Variants in CCDC91 observed in about 807,000 individuals in gnomAD.
CCDC91 encodes the protein coiled-coil domain-containing protein 91.
CCDC91 carries 48 observed loss-of-function variants against 63.2 expected under a neutral mutation model. The ratio of observed to expected loss-of-function variants is 0.76; its 90% CI spans 0.60 to 0.97. The LOEUF (loss-of-function observed/expected upper bound fraction) is 0.97, where lower values mean the gene tolerates loss of function less well. CCDC91 is among the 50% of genes least tolerant of loss of function. The pLI, the probability that CCDC91 is intolerant of heterozygous loss-of-function variation, is 0.00. For missense variants in CCDC91, 500 were observed against 494.6 expected, an observed-to-expected ratio of 1.01 and a Z score of -0.10; for synonymous variants, 167 against 165.8, an observed-to-expected ratio of 1.01 and a Z score of -0.06.
intron 7 of CCDC91, among the ~76,000 whole-genome samples, chr12:28,375,080 C>G (rs1206949808): frequency 1.3e-5 from 2 of 151,624 alleles, no homozygotes; most frequent in Non-Finnish European, 2.9e-5. Context: ...TCAGACAGAC[C>G]TGGATCAGAG....
intron 6 of CCDC91, among the ~76,000 whole-genome samples, chr12:28,327,965 T>C (rs1253021673): frequency 1.2e-4 from 18 of 152,142 alleles, no homozygotes; most frequent in Admixed American, 1.2e-3. Flanking sequence ...TAGGCAGATC[T>C]TGTAGGCGTT....
chr12:28,526,778 T>C (rs1469493205), intron 12 of CCDC91, among the ~76,000 whole-genome samples: 1 of 151,976 alleles, frequency 6.6e-6, no homozygotes, highest in Admixed American at 6.6e-5. Context: ...ATCCCAGACT[T>C]CTTGGAGTCT....
intron 12 of CCDC91, among the ~76,000 whole-genome samples, chr12:28,507,640 T>A (rs1166359714): frequency 2.0e-5 from 3 of 152,050 alleles, no homozygotes; most frequent in Non-Finnish European, 2.9e-5. Flanking sequence ...TTGAACAGGA[T>A]GTTCTTCCTA....
At position 28,305,778 on chromosome 12, in the gene CCDC91, T is replaced by C. The variant is rs1476678380; in HGVS notation, c.239T>C (p.Ile80Thr). 7.4e-6 allele frequency: 12 copies of C among 1,612,824 alleles called. No individual in the cohort carries two copies. Among genetic ancestry groups the C allele is most frequent in the South Asian group, 2.2e-5 (2 of 90,998 alleles). Reference protein sequence around the residue: ...SPENTHAANSIVSQTIPKAQI... With the variant: ...SPENTHAANSTVSQTIPKAQI... The stretch of plus-strand genomic sequence containing the variant: ...GAGAATACACATGCAGCAAATAGCA[T>C]TGTGAGTCAAACTATTCCAAAAGCA... The change falls in exon 4 of 13, where the codon ATT (isoleucine) becomes ACT (threonine). Residue 80 changes from isoleucine (I) to threonine (T), a missense_variant. Coordinates refer to ENST00000536442, the MANE Select transcript of CCDC91 (RefSeq NM_018318.5).
intron 6 of CCDC91, among the ~76,000 whole-genome samples, chr12:28,317,086 T>C (rs865876557): frequency 2.6e-5 from 4 of 152,024 alleles, no homozygotes; most frequent in Non-Finnish European, 5.9e-5. Context: ...CATGTCTGTC[T>C]GATGTCCTGT....
intron 7 of CCDC91, among the ~76,000 whole-genome samples, chr12:28,378,113 A>G (rs905533675): frequency 1.3e-5 from 2 of 152,066 alleles, no homozygotes; most frequent in African/African-American, 2.4e-5. Context: ...AAAAGATGCA[A>G]AATTGCTACA....
intron 7 of CCDC91, among the ~76,000 whole-genome samples, chr12:28,391,060 AAGG>A (rs1248018993): frequency 1.3e-5 from 2 of 150,460 alleles, no homozygotes; most frequent in East Asian, 3.9e-4. Flanking sequence ...TGGCCTTTTT[AAGG>A]AGAAGATGTG....
intron 1 of CCDC91, among the ~76,000 whole-genome samples, chr12:28,218,416 A>G (rs992270249): frequency 5.3e-5 from 8 of 152,052 alleles, no homozygotes; most frequent in Non-Finnish European, 1.2e-4. Context: ...ATTTAGGTGT[A>G]TAAACAATTA....
intron 8 of CCDC91, among the ~76,000 whole-genome samples, chr12:28,441,301 A>T (rs938336484): frequency 5.9e-5 from 9 of 151,952 alleles, no homozygotes; most frequent in African/African-American, 1.9e-4. Context: ...TGGTAGTACA[A>T]CCATTTTGGA....
intron 12 of CCDC91, among the ~76,000 whole-genome samples, chr12:28,541,813 C>T (rs1235455723): frequency 8.6e-5 from 13 of 152,014 alleles, no homozygotes; most frequent in East Asian, 3.9e-4. Context: ...CCTGCCTTGC[C>T]GGAATCAATT....
intron 8 of CCDC91, among the ~76,000 whole-genome samples, chr12:28,420,646 G>A (rs1947946554): frequency 6.6e-6 from 1 of 152,022 alleles, no homozygotes; most frequent in Non-Finnish European, 1.5e-5. Flanking sequence ...CACCACTTAA[G>A]CGTTGTTATT....
At chr12:28,479,303 G>A (rs141284538) in intron 11 of CCDC91, among the ~76,000 whole-genome samples, 103 of 152,240 alleles carry the variant, frequency 6.8e-4, no homozygotes, top group African/African-American at 2.3e-3. Flanking sequence ...AAGAGTTCAT[G>A]TCCTTTGTAG....
At chr12:28,457,944 A>G (rs1335070822) in intron 11 of CCDC91, among the ~76,000 whole-genome samples, 1 of 152,112 alleles carries the variant, frequency 6.6e-6, no homozygotes, top group Non-Finnish European at 1.5e-5. Flanking sequence ...CAGTGCACAC[A>G]GACACTCAAA....
At chr12:28,513,327 G>A (rs1381899356) in intron 12 of CCDC91, among the ~76,000 whole-genome samples, 1 of 151,856 alleles carries the variant, frequency 6.6e-6, no homozygotes, top group Admixed American at 6.6e-5. Context: ...CACATTATAA[G>A]TGTTCAATAA....
chr12:28,328,956 C>T (rs909712685), intron 6 of CCDC91, among the ~76,000 whole-genome samples: 2 of 151,826 alleles, frequency 1.3e-5, no homozygotes, highest in Non-Finnish European at 2.9e-5. Context: ...AAGCTTCAGA[C>T]AATGGAAAAG....
At chr12:28,193,530 G>A (rs563182680) in intron 1 of CCDC91, among the ~76,000 whole-genome samples, 1 of 152,072 alleles carries the variant, frequency 6.6e-6, no homozygotes, top group East Asian at 1.9e-4. Flanking sequence ...GAACCAGGGA[G>A]TCGGAGGTTA....
At chr12:28,370,086 T>C (rs888553818) in intron 7 of CCDC91, among the ~76,000 whole-genome samples, 1 of 152,250 alleles carries the variant, frequency 6.6e-6, no homozygotes. Context: ...TGCAAATTAC[T>C]GCAGCCAACT....
At chr12:28,534,804 A>G (rs1942022131) in intron 12 of CCDC91, among the ~76,000 whole-genome samples, 2 of 152,176 alleles carry the variant, frequency 1.3e-5, no homozygotes, top group South Asian at 2.1e-4. Flanking sequence ...TTAAGTCTGC[A>G]TTAGTGTAGT....
intron 8 of CCDC91, among the ~76,000 whole-genome samples, chr12:28,395,029 G>A (rs1341559196): frequency 6.6e-6 from 1 of 152,140 alleles, no homozygotes; most frequent in Non-Finnish European, 1.5e-5. Context: ...AAGACTGTTT[G>A]TATAGCTAGT....
Sources: allele counts gnomAD v4.1 joint callset (sites outside exome capture counted in the v4.1 genomes callset), GRCh38; gene constraint gnomAD v4.1.1; transcripts MANE v1.5; gene names NCBI Gene and HGNC (gene_info 2026-07-23, HGNC 2026-07-21).